The following ZNF765 variants were observed in gnomAD, a reference collection of about 807,000 sequenced individuals.
The protein encoded by ZNF765 is zinc finger protein 765.
In ZNF765, 37 loss-of-function variants were observed where a neutral mutation model predicts 44.7. The ratio of observed to expected loss-of-function variants is 0.83; its 90% confidence interval spans 0.64 to 1.09. ZNF765 has a LOEUF of 1.09. Among genes scored for constraint, ZNF765 ranks in the 50% least tolerant of loss-of-function variants. The pLI is 0.00. For missense variants in ZNF765, 594 were observed against 626.1 expected (o/e 0.95, Z 0.55); for synonymous variants, 201 against 213.7 (o/e 0.94, Z 0.52).
At chr19:53,423,330 A>T in exon 4 of ZNF765, 1 of 622,912 alleles carries the variant, frequency 1.6e-6, no homozygotes, top group Non-Finnish European at 3.0e-6. Flanking sequence ...AGAGTCGCTG[A>T]CGCGGCACTG....
chr19:53,420,799 C>T (rs1055961062), intron 3 of ZNF765, among the ~76,000 whole-genome samples: 3 of 152,096 alleles, frequency 2.0e-5, no homozygotes, highest in Admixed American at 6.6e-5. Context: ...TCTCCAGTCT[C>T]GAGTACCCAG....
chr19:53,412,636 G>T (rs2085842306), downstream of ZNF765, among the ~76,000 whole-genome samples: 1 of 152,118 alleles, frequency 6.6e-6, no homozygotes, highest in African/African-American at 2.4e-5. Context: ...GAAACAAAAA[G>T]AAACATCAAA....
rs1360430459 is a variant in ZNF765 at position 53,401,349 on chromosome 19, A to G, written c.16-716A>G. Among the ~76,000 whole-genome samples, 9 of 149,410 alleles carry G rather than the reference A, an allele frequency of 6.0e-5. No homozygotes were observed. The East Asian group carries it at 1.6e-3, about 27-fold the overall frequency. On this transcript the variant is annotated intron_variant, in intron 2 of 3. Transcript: ENST00000396408. ...GAGGCCGAGGTGGGCGGATCACGAG[A>G]TCAGGAGATCAAGACAATCCTGGCT...
chr19:53,405,647 C>A (rs2085766103), intron 3 of ZNF765, among the ~76,000 whole-genome samples: 1 of 149,670 alleles, frequency 6.7e-6, no homozygotes, highest in Non-Finnish European at 1.5e-5. Flanking sequence ...AAGTCCTATT[C>A]ACGAGTAGTC....
intron 2 of ZNF765, among the ~76,000 whole-genome samples, chr19:53,399,324 G>A (rs1364256943): frequency 4.3e-5 from 6 of 141,082 alleles, no homozygotes; most frequent in Non-Finnish European, 9.0e-5. Flanking sequence ...AAAACTCCAA[G>A]CAAAGCTGCA....
intron 2 of ZNF765, among the ~76,000 whole-genome samples, chr19:53,398,295 G>A (rs1415589323): frequency 6.6e-6 from 1 of 152,194 alleles, no homozygotes; most frequent in Admixed American, 6.5e-5. Context: ...GGGTCCCATG[G>A]TGTCAGTGCT....
chr19:53,408,464 ATG>A lies in ZNF765; in HGVS notation c.912_913del (p.Cys304Ter). 1.2e-6 allele frequency: 2 copies of A among 1,612,442 alleles called. No homozygotes were observed. Among genetic ancestry groups the A allele is most frequent in the Admixed American group, 3.3e-5 (2 of 59,850 alleles). On this transcript the variant is annotated frameshift_variant, in exon 4 of 4. Coordinates refer to ENST00000396408, the MANE Select transcript of ZNF765 (RefSeq NM_001040185.3). LOFTEE classifies it high-confidence loss of function. The part of the protein sequence containing the change: ...TGEKPYKCEE[C>X]DKAFHFKSKL... ...GAGAGAAACCTTACAAATGTGAAGAATGTGACAAAGCTTTCCATTTCAAATCA... is the reference window on the plus strand; with the variant it reads ...GAGAGAAACCTTACAAATGTGAAGAATGACAAAGCTTTCCATTTCAAATCA...
intron 3 of ZNF765, among the ~76,000 whole-genome samples, chr19:53,419,761 T>C (rs563559625): frequency 1.6e-4 from 24 of 152,256 alleles, no homozygotes; most frequent in African/African-American, 4.6e-4. Flanking sequence ...CTCACACCTG[T>C]AATCCCAGCA....
rs564926217 is a variant in ZNF765, at chr19:53,395,652, C to G, written c.-74+459C>G. ...TCTTAAGGCGCCGTGGCGCCGCCGC[C>G]TCCCTCCTTTTGCGGGCCCTACTGC... On this transcript the variant is annotated intron_variant, in intron 1 of 3. Transcript: ENST00000396408. 4.6e-5 allele frequency among the ~76,000 whole-genome samples: 7 copies of G among 152,350 alleles called. No homozygotes were observed. The East Asian group carries it at 7.7e-4, about 17-fold the overall frequency.
intron 1 of ZNF765, among the ~76,000 whole-genome samples, chr19:53,396,660 GTTA>G (rs2147085060): frequency 6.6e-6 from 1 of 152,224 alleles, no homozygotes; most frequent in South Asian, 2.1e-4. Context: ...CACAAAAAGC[GTTA>G]TCTTATAACT....
rs748334182 is a variant in ZNF765 at position 53,409,005 on chromosome 19, C to T, written c.1450C>T (p.His484Tyr). Reference protein sequence around the residue: ...TFSRTSSLTYHHRLHTGQKPY... With the variant: ...TFSRTSSLTYYHRLHTGQKPY... ...CAGCCGGACGTCATCCCTTACATAC[C>T]ATCATAGACTTCATACTGGACAGAA... Residue 484 changes from histidine to tyrosine, a missense_variant, in exon 4 of 4, where the codon CAT (histidine) becomes TAT (tyrosine). His to Tyr is a moderately conservative substitution (Grantham distance 83). Coordinates refer to ENST00000396408, the MANE Select transcript of ZNF765 (RefSeq NM_001040185.3). 6.2e-7 allele frequency: 1 copy of T among 1,603,422 alleles called. No homozygotes were observed. Among genetic ancestry groups the T allele is most frequent in the East Asian group, 2.3e-5 (1 of 44,262 alleles).
At chr19:53,396,386 G>A (rs192785336) in intron 1 of ZNF765, among the ~76,000 whole-genome samples, 17 of 152,300 alleles carry the variant, frequency 1.1e-4, no homozygotes, top group Admixed American at 8.5e-4. Flanking sequence ...CCGGCTCAGT[G>A]GATTTACATC....
intron 3 of ZNF765, among the ~76,000 whole-genome samples, chr19:53,405,344 T>A (rs73059142): frequency 6.6e-6 from 1 of 151,872 alleles, no homozygotes; most frequent in Non-Finnish European, 1.5e-5. Context: ...AAAGTAAGAC[T>A]CCGGGCTGAG....
At position 53,408,253 on chromosome 19, in the gene ZNF765, A is replaced by G. The variant is rs760220001; in HGVS notation, c.698A>G (p.His233Arg). The G allele has an allele frequency of 1.2e-6, 2 of 1,614,256 alleles. No individual in the cohort carries two copies. The highest frequency in any genetic ancestry group is 1.3e-5 in the African/African-American group (1 of 75,074). ...AYNCSSLLRK[H>R]QLIHLGEKQY... is the part of the protein sequence containing the mutation. ...AATTGTAGCTCACTCTTAAGGAAACATCAGTTAATCCATTTAGGAGAGAAA... is the reference window on the plus strand; with the variant it reads ...AATTGTAGCTCACTCTTAAGGAAACGTCAGTTAATCCATTTAGGAGAGAAA... The change falls in exon 4 of 4, where the codon CAT (histidine) becomes CGT (arginine). Residue 233 changes from histidine to arginine, a missense_variant. His to Arg is a conservative substitution (Grantham distance 29). Around this residue, in one of 2 missense-constraint regions of ZNF765, gnomAD observed 567 missense variants for 572.6 expected, o/e 0.99. Transcript: ENST00000396408.
At chr19:53,402,925 C>T (rs1405132770) in intron 3 of ZNF765, among the ~76,000 whole-genome samples, 2 of 151,936 alleles carry the variant, frequency 1.3e-5, no homozygotes, top group Non-Finnish European at 2.9e-5. Context: ...ACCTGTAATC[C>T]CAGCACTTCG....
chr19:53,415,958 T>TTGTTTG (rs769570939), downstream of ZNF765, among the ~76,000 whole-genome samples: 2 of 11,612 alleles, frequency 1.7e-4, no homozygotes, highest in East Asian at 2.5e-3. Flanking sequence ...GTTTTGTTTT[T>TTGTTTG]TGTTTTTTGT....
intron 1 of ZNF765, among the ~76,000 whole-genome samples, chr19:53,396,593 T>TC (rs1491222117): frequency 6.6e-6 from 1 of 152,192 alleles, no homozygotes; most frequent in Non-Finnish European, 1.5e-5. Flanking sequence ...ACTTTTTTTT[T>TC]CTTCACTCTT....
downstream of ZNF765, among the ~76,000 whole-genome samples, chr19:53,414,317 A>G (rs1477662080): frequency 6.6e-6 from 1 of 150,936 alleles, no homozygotes; most frequent in Non-Finnish European, 1.5e-5. Context: ...ACCAGGTATG[A>G]TAAGTTGCTA....
At chr19:53,419,223 A>G (rs17273078) in intron 3 of ZNF765, among the ~76,000 whole-genome samples, 13,607 of 152,240 alleles carry the variant, frequency 0.089, 848 homozygotes, top group Middle Eastern at 0.15. Context: ...CCTACTTTAC[A>G]CAAATCATAG....
Sources: allele counts gnomAD v4.1 joint callset (sites outside exome capture counted in the v4.1 genomes callset), GRCh38; gene constraint gnomAD v4.1.1; regional missense constraint gnomAD v4.1.1; transcripts MANE v1.5; gene names NCBI Gene and HGNC (gene_info 2026-07-23, HGNC 2026-07-21).